The following COBL variants were observed in gnomAD, a reference collection of about 807,000 sequenced individuals.
COBL encodes cordon-bleu WH2 repeat protein.
Under a neutral mutation model 98.8 loss-of-function variants are expected in COBL, and 51 were observed. The observed-to-expected ratio is 0.52, with a 90% CI of 0.41 to 0.65. The LOEUF is 0.65. COBL is among the 30% of genes least tolerant of loss of function. The pLI, the probability that COBL is intolerant of heterozygous loss-of-function variation, is 0.00. For missense variants in COBL, 1,617 were observed against 1,617.5 expected (o/e 1.00, Z 0.01); for synonymous variants, 634 against 651.7 (o/e 0.97, Z 0.41).
At chr7:51,147,962 C>T (rs187086268) in intron 5 of COBL, among the ~76,000 whole-genome samples, 3 of 151,992 alleles carry the variant, frequency 2.0e-5, no homozygotes, top group Non-Finnish European at 4.4e-5. Context: ...CGGGGTTTTA[C>T]CGTGTTAGCC....
At position 51,276,913 on chromosome 7, in the gene COBL, T is replaced by A. The variant is rs564189507; in HGVS notation, c.41+39680A>T. Among the ~76,000 whole-genome samples, 13 of 152,258 alleles carry A rather than the reference T, an allele frequency of 8.5e-5. No homozygotes were observed. In the South Asian group the frequency reaches 2.5e-3, roughly 29 times the overall value. On this transcript the variant is annotated intron_variant, in intron 1 of 12. Transcript: ENST00000265136. ...GGAGTCAGCTGAGGCTCATAAGATT[T>A]GACCAGCTAAGAGGTGAAATGTAGG...
Position 51,127,535 on chromosome 7 carries a change from C to T in COBL, c.957+8623G>A, listed in dbSNP as rs893331602. Among the ~76,000 whole-genome samples the T allele has an allele frequency of 2.6e-5, 4 of 152,086 alleles. No individual in the cohort carries two copies. In the South Asian group the frequency reaches 6.2e-4, roughly 24 times the overall value. On this transcript the variant is annotated intron_variant, in intron 6 of 12. Transcript: ENST00000265136. Reference sequence around the variant, plus strand: ...TGCTTTGGACAAAAATGTATGAGGTCGGGGAAAGGATGTTGTTGTGGGAAC... The same window carrying T: ...TGCTTTGGACAAAAATGTATGAGGTTGGGGAAAGGATGTTGTTGTGGGAAC...
intron 1 of COBL, among the ~76,000 whole-genome samples, chr7:51,285,092 G>C (rs1800212527): frequency 6.6e-6 from 1 of 151,768 alleles, no homozygotes; most frequent in South Asian, 2.1e-4. Context: ...GAAAACAGGA[G>C]CGTGCCAGCA....
At chr7:51,157,701 A>C (rs1190658837) in intron 5 of COBL, among the ~76,000 whole-genome samples, 1 of 152,216 alleles carries the variant, frequency 6.6e-6, no homozygotes, top group Non-Finnish European at 1.5e-5. Context: ...TGGAAAATAA[A>C]TAATCACTTC....
chr7:51,063,617 C>A (rs1464245456), intron 7 of COBL, among the ~76,000 whole-genome samples: 1 of 152,166 alleles, frequency 6.6e-6, no homozygotes, highest in African/African-American at 2.4e-5. Context: ...AGGTGTGGCC[C>A]CACGAAGACC....
chr7:51,063,421 C>T (rs1791588501), intron 7 of COBL, among the ~76,000 whole-genome samples: 1 of 152,252 alleles, frequency 6.6e-6, no homozygotes, highest in Non-Finnish European at 1.5e-5. Context: ...AGGCGTGAGC[C>T]ACTGTGCCCG....
intron 1 of COBL, among the ~76,000 whole-genome samples, chr7:51,256,412 G>A (rs974820259): frequency 6.6e-6 from 1 of 152,228 alleles, no homozygotes; most frequent in Admixed American, 6.5e-5. Context: ...TGTGTGTCAG[G>A]AGGGCCCACT....
intron 6 of COBL, among the ~76,000 whole-genome samples, chr7:51,127,265 G>A (rs1033607338): frequency 4.6e-5 from 7 of 152,174 alleles, no homozygotes; most frequent in Admixed American, 6.5e-5. Flanking sequence ...CCCAGAGTCC[G>A]GTTTCTTGAA....
chr7:51,203,565 A>G (rs549619169), intron 2 of COBL, among the ~76,000 whole-genome samples: 4 of 152,072 alleles, frequency 2.6e-5, no homozygotes, highest in East Asian at 1.9e-4. Flanking sequence ...AGAAATATGA[A>G]TAAAAAAGAT....
At chr7:51,020,165 C>T (rs2240084) in intron 12 of COBL, among the ~76,000 whole-genome samples, 62,221 of 152,114 alleles carry the variant, frequency 0.41, 15,560 homozygotes, top group Non-Finnish European at 0.58. Flanking sequence ...GCAGGACACA[C>T]GGAAGGGCTG....
At chr7:51,216,392 A>G (rs1273414743) in intron 2 of COBL, among the ~76,000 whole-genome samples, 1 of 152,142 alleles carries the variant, frequency 6.6e-6, no homozygotes, top group East Asian at 1.9e-4. Flanking sequence ...GCTGGTCTCA[A>G]ACTCCTGACC....
chr7:51,070,425 A>ACACACACACAC (rs57774327), intron 7 of COBL, among the ~76,000 whole-genome samples: 5 of 151,858 alleles, frequency 3.3e-5, no homozygotes, highest in Non-Finnish European at 5.9e-5. Context: ...ACACACACAC[A>ACACACACACAC]AAATTCCGAG....
At chr7:51,264,532 T>A (rs1402061977) in intron 1 of COBL, among the ~76,000 whole-genome samples, 1 of 151,506 alleles carries the variant, frequency 6.6e-6, no homozygotes, top group Non-Finnish European at 1.5e-5. Flanking sequence ...TTAGCCGGTC[T>A]TGGTGGTGCA....
At chr7:51,315,275 G>A (rs1331482920) in intron 1 of COBL, among the ~76,000 whole-genome samples, 35 of 138,800 alleles carry the variant, frequency 2.5e-4, no homozygotes, top group Non-Finnish European at 4.6e-4. Flanking sequence ...AAAAAAAAGA[G>A]AGAGAGAAAG....
chr7:51,051,759 C>T (rs1458946864), intron 7 of COBL, among the ~76,000 whole-genome samples: 1 of 152,208 alleles, frequency 6.6e-6, no homozygotes, highest in Non-Finnish European at 1.5e-5. Flanking sequence ...TCCACAGGGA[C>T]AGAGACGGAC....
chr7:51,147,013 G>C (rs180835594), intron 5 of COBL, among the ~76,000 whole-genome samples: 1 of 152,268 alleles, frequency 6.6e-6, no homozygotes, highest in Admixed American at 6.5e-5. Context: ...TTAACCTGCA[G>C]GAAGTGTTCT....
At chr7:51,085,111 T>C in intron 7 of COBL, 55 bp downstream of exon 7, 1 of 1,611,450 alleles carries the variant, frequency 6.2e-7, no homozygotes, top group East Asian at 2.2e-5. Flanking sequence ...AGAGCTGACA[T>C]TCCAGGACAG....
Position 51,016,253 on chromosome 7 carries a change from T to C in COBL, c.*1298A>G, listed in dbSNP as rs1562790405. On this transcript the variant is annotated 3_prime_UTR_variant, in exon 13 of 13. Transcript: ENST00000265136. ...TTTATTTGTGGCACTAAAAGACAGA[T>C]AGCTGTGATGAAGAGCAATTGGCTG... 1 of 152,222 alleles carries C rather than the reference T, an allele frequency of 6.6e-6. No individual in the cohort carries two copies. The highest frequency in any genetic ancestry group is 1.5e-5 in the Non-Finnish European group (1 of 68,042). The allele number at this position is 152,222 out of a possible 1,614,324, so 9.4% of individuals were successfully genotyped here.
At chr7:51,063,534 G>A (rs937139760) in intron 7 of COBL, among the ~76,000 whole-genome samples, 1 of 152,176 alleles carries the variant, frequency 6.6e-6, no homozygotes, top group Non-Finnish European at 1.5e-5. Context: ...TCTCCAGTAT[G>A]ACTGAATCAG....
Sources: gnomAD v4.1 joint callset for allele counts (sites outside exome capture counted in the v4.1 genomes callset) on GRCh38, gnomAD v4.1.1 for gene constraint, MANE v1.5 for transcripts, NCBI Gene and HGNC (gene_info 2026-07-23, HGNC 2026-07-21) for gene names.